Variants in GRM5 observed in about 807,000 individuals in gnomAD.
GRM5 encodes metabotropic glutamate receptor 5.
In GRM5, 19 loss-of-function variants were observed where a neutral mutation model predicts 83.1. The observed-to-expected ratio is 0.23, with a 90% CI of 0.16 to 0.34. GRM5 has a LOEUF of 0.34. Among genes scored for constraint, GRM5 ranks in the 10% least tolerant of loss-of-function variants. GRM5 has a pLI of 1.00. For synonymous variants in GRM5, 675 were observed against 633.6 expected (o/e 1.07, Z -0.98); for missense variants, 1,160 against 1,588.3 (o/e 0.73, Z 4.58).
intron 2 of GRM5, among the ~76,000 whole-genome samples, chr11:88,920,897 C>G (rs374798658): frequency 6.9e-4 from 105 of 152,234 alleles, no homozygotes; most frequent in African/African-American, 2.3e-3. Context: ...TCTACTTTGA[C>G]AGGAAAAGTG....
At chr11:88,943,675 T>A (rs192484064) in intron 2 of GRM5, among the ~76,000 whole-genome samples, 383 of 152,146 alleles carry the variant, frequency 2.5e-3, no homozygotes, top group African/African-American at 8.4e-3. Flanking sequence ...AAAAGTAGTT[T>A]TAGTATAGGA....
chr11:88,610,551 T>C (rs1216480086), intron 4 of GRM5, among the ~76,000 whole-genome samples: 1 of 152,236 alleles, frequency 6.6e-6, no homozygotes. Flanking sequence ...ATGCTACTGA[T>C]ATTTGTACAT....
intron 2 of GRM5, among the ~76,000 whole-genome samples, chr11:88,859,721 G>C (rs2135549652): frequency 6.6e-6 from 1 of 152,152 alleles, no homozygotes; most frequent in African/African-American, 2.4e-5. Flanking sequence ...TAGTCCTGTG[G>C]TTCTTCCAAA....
At chr11:88,688,322 T>A (rs1401077816) in intron 3 of GRM5, among the ~76,000 whole-genome samples, 1 of 152,204 alleles carries the variant, frequency 6.6e-6, no homozygotes, top group Non-Finnish European at 1.5e-5. Flanking sequence ...TTGTACTTAA[T>A]ATTAAATCAT....
intron 7 of GRM5, among the ~76,000 whole-genome samples, chr11:88,584,813 C>T (rs1400300939): frequency 6.6e-6 from 1 of 152,182 alleles, no homozygotes; most frequent in Non-Finnish European, 1.5e-5. Flanking sequence ...ATTCTCTCCA[C>T]TAGAATGTAA....
At position 88,786,734 on chromosome 11, in the gene GRM5, C is replaced by T. The variant is rs182723406; in HGVS notation, c.911+63172G>A. 5.3e-5 allele frequency among the ~76,000 whole-genome samples: 8 copies of T among 152,034 alleles called. No homozygotes were observed. The East Asian group carries it at 1.4e-3, about 26-fold the overall frequency. ...TTCCCACAGACACTTTTTTGATGCC[C>T]CTTTCCTGCTTTATTTATTTTTTTA... On this transcript the variant is annotated intron_variant, in intron 3 of 9. Transcript: ENST00000305447.
chr11:88,654,090 C>T (rs978213360), intron 3 of GRM5, among the ~76,000 whole-genome samples: 1 of 152,010 alleles, frequency 6.6e-6, no homozygotes, highest in African/African-American at 2.4e-5. Context: ...AAAAGAACTT[C>T]TGAACAATGT....
At chr11:89,031,619 T>C (rs562284112) in intron 2 of GRM5, among the ~76,000 whole-genome samples, 4 of 152,106 alleles carry the variant, frequency 2.6e-5, no homozygotes, top group Admixed American at 1.3e-4. Context: ...CATCCAATAT[T>C]ATGTATATAG....
intron 2 of GRM5, among the ~76,000 whole-genome samples, chr11:88,893,238 G>T (rs1350205499): frequency 6.6e-6 from 1 of 151,938 alleles, no homozygotes; most frequent in Non-Finnish European, 1.5e-5. Flanking sequence ...TCACACCCTG[G>T]CTATATACAA....
Position 88,597,273 on chromosome 11 carries a change from A to G in GRM5, c.1474T>C (p.Leu492=). Residue 492 remains leucine, a synonymous_variant, in exon 6 of 10, where the codon TTA becomes CTA. Coordinates refer to ENST00000305447, the MANE Select transcript of GRM5 (RefSeq NM_001143831.3). ...INVGSWDNGE[L]KMDDDEVWSK... ...CATACTTCATCATCATCCATTTTTA[A>G]TTCTCCATTGTCCCAACTTCCAACG... is the stretch of plus-strand genomic sequence containing the variant. 1.2e-6 allele frequency: 2 copies of G among 1,600,560 alleles called. No homozygotes were observed. Among genetic ancestry groups the G allele is most frequent in the Non-Finnish European group, 1.7e-6 (2 of 1,168,178 alleles).
At chr11:88,778,715 A>G (rs1272709533) in intron 3 of GRM5, among the ~76,000 whole-genome samples, 1 of 152,176 alleles carries the variant, frequency 6.6e-6, no homozygotes, top group Non-Finnish European at 1.5e-5. Flanking sequence ...CTTTTTATGT[A>G]AAGAAAGAAC....
chr11:88,676,599 ATAAT>A (rs1319386158), intron 3 of GRM5, among the ~76,000 whole-genome samples: 15 of 152,222 alleles, frequency 9.9e-5, no homozygotes, highest in African/African-American at 3.4e-4. Flanking sequence ...AAAATGAAGA[ATAAT>A]TACTTACTGC....
chr11:89,059,203 T>A (rs1591085662), intron 1 of GRM5, among the ~76,000 whole-genome samples: 1 of 152,260 alleles, frequency 6.6e-6, no homozygotes, highest in East Asian at 1.9e-4. Flanking sequence ...TTCTTGAATC[T>A]GATATATTTG....
chr11:88,950,031 ATTT>A (rs58554674), intron 2 of GRM5, among the ~76,000 whole-genome samples: 6 of 139,566 alleles, frequency 4.3e-5, no homozygotes, highest in Middle Eastern at 3.7e-3. Context: ...AGCCTGGCTA[ATTT>A]TTTTTTTTTT....
chr11:88,586,984 C>G (rs899207572), intron 7 of GRM5, among the ~76,000 whole-genome samples: 3 of 152,290 alleles, frequency 2.0e-5, no homozygotes, highest in African/African-American at 7.2e-5. Context: ...TTGTAACACT[C>G]TCCATCATTT....
chr11:88,596,283 G>A (rs958242415), intron 6 of GRM5, among the ~76,000 whole-genome samples: 1 of 152,054 alleles, frequency 6.6e-6, no homozygotes, highest in Admixed American at 6.6e-5. Context: ...CTAATTCAAG[G>A]CCTTGTTACC....
Position 88,946,995 on chromosome 11 carries a change from C to T in GRM5, c.662-96840G>A, listed in dbSNP as rs901867048. On this transcript the variant is annotated intron_variant, in intron 2 of 9. Transcript: ENST00000305447. ...TGGGGAAAATCTTTGCATAGGTAGA[C>T]TCACTGAGGAATCTAACAAGTCTAT... 7.2e-5 allele frequency among the ~76,000 whole-genome samples: 11 copies of T among 152,170 alleles called. 1 individual carries two copies. Among genetic ancestry groups the T allele is most frequent in the Admixed American group, 3.3e-4 (5 of 15,270 alleles).
chr11:89,011,166 T>C (rs942802194), intron 2 of GRM5, among the ~76,000 whole-genome samples: 1 of 152,220 alleles, frequency 6.6e-6, no homozygotes, highest in African/African-American at 2.4e-5. Flanking sequence ...CTGCTTAATT[T>C]TCCTAATGCA....
At chr11:88,930,110 G>T (rs1033632652) in intron 2 of GRM5, among the ~76,000 whole-genome samples, 3 of 152,056 alleles carry the variant, frequency 2.0e-5, no homozygotes, top group Admixed American at 2.0e-4. Flanking sequence ...TGTAAGTAAA[G>T]AAAAGTGATA....
Sources: allele counts gnomAD v4.1 joint callset (sites outside exome capture counted in the v4.1 genomes callset), GRCh38; gene constraint gnomAD v4.1.1; transcripts MANE v1.5; gene names NCBI Gene and HGNC (gene_info 2026-07-23, HGNC 2026-07-21).